Variants in NPFFR2 observed in about 807,000 individuals in gnomAD.
The protein encoded by NPFFR2 is G-protein coupled receptor 74.
Under a neutral mutation model 13.1 loss-of-function variants are expected in NPFFR2, and 15 were observed. The observed-to-expected ratio is 1.15, with a 90% CI of 0.77 to 1.76. The LOEUF (loss-of-function observed/expected upper bound fraction) is 1.76. Ranked by LOEUF, NPFFR2 falls within the 40% of genes most tolerant of loss-of-function variation. NPFFR2 has a pLI of 0.00. For missense variants in NPFFR2, 572 were observed against 503.5 expected (o/e 1.14, Z -1.30); for synonymous variants, 190 against 175.7 (o/e 1.08, Z -0.65).
In NPFFR2 at chr4:72,128,683, A is replaced by G. The variant is rs1000923410; in HGVS notation, c.92A>G (p.Asn31Ser). The G allele has an allele frequency of 1.9e-6, 3 of 1,613,630 alleles. No individual in the cohort carries two copies. Among genetic ancestry groups the G allele is most frequent in the Non-Finnish European group, 2.5e-6 (3 of 1,179,542 alleles). Residue 31 changes from asparagine (N) to serine (S), a missense_variant, in exon 2 of 4, where the codon AAT (asparagine) becomes AGT (serine). Asn to Ser is a conservative substitution (Grantham distance 46, BLOSUM62 1). Coordinates refer to ENST00000308744, the MANE Select transcript of NPFFR2 (RefSeq NM_004885.3). ...AAGCATCATCTGTACTCAGATATTAATATTACCTATGTGAACTACTATCTT... is the reference window on the plus strand; with the variant it reads ...AAGCATCATCTGTACTCAGATATTAGTATTACCTATGTGAACTACTATCTT... ...DTKHHLYSDI[N>S]ITYVNYYLHQ...
intron 1 of NPFFR2, among the ~76,000 whole-genome samples, chr4:72,087,602 G>C (rs28572446): frequency 0.026 from 3,964 of 152,066 alleles, 142 homozygotes; most frequent in African/African-American, 0.079. Context: ...TGTATAGGAT[G>C]GGGAAGGAAA....
chr4:72,048,840 A>G (rs1005574877), intron 1 of NPFFR2, among the ~76,000 whole-genome samples: 25 of 152,014 alleles, frequency 1.6e-4, no homozygotes, highest in African/African-American at 4.6e-4. Context: ...TCGTAATTTC[A>G]CAGATCATAT....
At chr4:72,060,700 A>T (rs1352919305) in intron 1 of NPFFR2, among the ~76,000 whole-genome samples, 1 of 152,016 alleles carries the variant, frequency 6.6e-6, no homozygotes, top group Non-Finnish European at 1.5e-5. Flanking sequence ...TAGAACCCCG[A>T]GCTTGTCATT....
chr4:72,039,244 A>G (rs1052609647), intron 1 of NPFFR2: 8 of 169,834 alleles, frequency 4.7e-5, no homozygotes, highest in Non-Finnish European at 7.1e-5. Flanking sequence ...TATTTTTAGT[A>G]GGGACGGCGT....
At chr4:72,133,781 A>G (rs1245833780) in intron 2 of NPFFR2, among the ~76,000 whole-genome samples, 1 of 152,092 alleles carries the variant, frequency 6.6e-6, no homozygotes, top group East Asian at 1.9e-4. Flanking sequence ...TTTGAATGAG[A>G]TTGAGTTCCT....
chr4:72,035,747 G>T (rs1719025714), intron 1 of NPFFR2, among the ~76,000 whole-genome samples: 1 of 152,056 alleles, frequency 6.6e-6, no homozygotes, highest in Admixed American at 6.5e-5. Context: ...CAAAAAATTG[G>T]TTCTCTTTCA....
At chr4:72,127,267 G>A (rs1411692873) in intron 1 of NPFFR2, among the ~76,000 whole-genome samples, 1 of 91,368 alleles carries the variant, frequency 1.1e-5, no homozygotes, top group Non-Finnish European at 1.9e-5. Context: ...TCGCGCCACT[G>A]CACTCCAGCC....
At chr4:72,088,774 A>AC (rs1332114623) in intron 1 of NPFFR2, among the ~76,000 whole-genome samples, 1 of 151,844 alleles carries the variant, frequency 6.6e-6, no homozygotes, top group Non-Finnish European at 1.5e-5. Flanking sequence ...GGGGGAAACT[A>AC]CCCCCATGAT....
intron 3 of NPFFR2, among the ~76,000 whole-genome samples, chr4:72,139,268 TC>T (rs1722519874): frequency 6.6e-6 from 1 of 152,218 alleles, no homozygotes; most frequent in Admixed American, 6.5e-5. Flanking sequence ...CTTAATTAGA[TC>T]CCATTTGTCT....
At chr4:72,051,897 G>A (rs1316349451) in intron 1 of NPFFR2, among the ~76,000 whole-genome samples, 1 of 149,658 alleles carries the variant, frequency 6.7e-6, no homozygotes, top group African/African-American at 2.5e-5. Context: ...AAATCTAGAA[G>A]AAATGGATAA....
intron 1 of NPFFR2, among the ~76,000 whole-genome samples, chr4:72,083,886 G>A (rs937570984): frequency 1.3e-5 from 2 of 152,088 alleles, no homozygotes; most frequent in African/African-American, 2.4e-5. Context: ...AAATGTTACT[G>A]CATTCCATTC....
At chr4:72,062,723 C>G (rs1489840368) in intron 1 of NPFFR2, among the ~76,000 whole-genome samples, 1 of 152,106 alleles carries the variant, frequency 6.6e-6, no homozygotes, top group African/African-American at 2.4e-5. Flanking sequence ...GCTCCTCTGC[C>G]TTTATCATGA....
chr4:72,090,105 G>A (rs1415779849), intron 1 of NPFFR2, among the ~76,000 whole-genome samples: 1 of 152,030 alleles, frequency 6.6e-6, no homozygotes, highest in Non-Finnish European at 1.5e-5. Flanking sequence ...TTATGTTTTT[G>A]TTTGCTTTGT....
chr4:72,042,059 G>T (rs745472687), intron 1 of NPFFR2, among the ~76,000 whole-genome samples: 1 of 151,998 alleles, frequency 6.6e-6, no homozygotes, highest in Non-Finnish European at 1.5e-5. Context: ...CTTTGCCATG[G>T]CCAATAATAT....
intron 1 of NPFFR2, among the ~76,000 whole-genome samples, chr4:72,127,301 C>A (rs1392528513): frequency 8.1e-5 from 1 of 12,320 alleles, no homozygotes; most frequent in Non-Finnish European, 1.4e-4. Context: ...TAGACTCCAT[C>A]TCAAAAAAAA....
chr4:72,050,704 C>T (rs1719526924), intron 1 of NPFFR2, among the ~76,000 whole-genome samples: 1 of 151,772 alleles, frequency 6.6e-6, no homozygotes, highest in Admixed American at 6.6e-5. Context: ...TGCTGGTGCA[C>T]TGCACCCACT....
intron 1 of NPFFR2, 98 bp from the exon 2 acceptor site, chr4:72,128,487 C>A: frequency 1.5e-6 from 1 of 680,132 alleles, no homozygotes; most frequent in Non-Finnish European, 2.4e-6. Flanking sequence ...ACAAAAATTC[C>A]ATGGCATTTT....
chr4:72,119,438 G>A (rs1424233669), intron 1 of NPFFR2, among the ~76,000 whole-genome samples: 4 of 152,120 alleles, frequency 2.6e-5, no homozygotes, highest in Non-Finnish European at 4.4e-5. Flanking sequence ...TAGAGAAGCT[G>A]CCTTATTGAA....
chr4:72,064,225 G>C (rs1340839803), intron 1 of NPFFR2, among the ~76,000 whole-genome samples: 1 of 152,202 alleles, frequency 6.6e-6, no homozygotes, highest in Admixed American at 6.5e-5. Flanking sequence ...TGGGTCAGGA[G>C]CTCAGCATGG....
Sources: gnomAD v4.1 joint callset for allele counts (sites outside exome capture counted in the v4.1 genomes callset) on GRCh38, gnomAD v4.1.1 for gene constraint, MANE v1.5 for transcripts, NCBI Gene and HGNC (gene_info 2026-07-23, HGNC 2026-07-21) for gene names.